Variants in TENM2 observed in about 807,000 individuals in gnomAD.
TENM2 encodes teneurin transmembrane protein 2.
Under a neutral mutation model 245.2 loss-of-function variants are expected in TENM2, and 52 were observed. The ratio of observed to expected loss-of-function variants is 0.21; its 90% CI spans 0.17 to 0.27. The LOEUF (loss-of-function observed/expected upper bound fraction) is 0.27, where lower values mean the gene tolerates loss of function less well. TENM2 is among the 10% of genes least tolerant of loss of function. The pLI, the probability that TENM2 is intolerant of heterozygous loss-of-function variation, is 1.00. For synonymous variants in TENM2, 1,363 were observed against 1,438.9 expected, an observed-to-expected ratio of 0.95 and a Z score of 1.19; for missense variants, 3,046 against 3,666.8, an observed-to-expected ratio of 0.83 and a Z score of 4.37.
chr5:168,006,939 G>A (rs1448930003), intron 5 of TENM2, among the ~76,000 whole-genome samples: 4 of 152,166 alleles, frequency 2.6e-5, no homozygotes, highest in Admixed American at 2.6e-4. Context: ...GAAGAAATCA[G>A]GATGGTTTGG....
intron 23 of TENM2, among the ~76,000 whole-genome samples, chr5:168,222,691 T>A (rs1184086524): frequency 1.3e-5 from 2 of 152,210 alleles, no homozygotes; most frequent in Admixed American, 1.3e-4. Context: ...AGAACAGTAC[T>A]GTCCTTAAAA....
intron 12 of TENM2, among the ~76,000 whole-genome samples, chr5:168,154,444 C>G (rs1041226966): frequency 1.3e-5 from 2 of 152,104 alleles, no homozygotes; most frequent in African/African-American, 4.8e-5. Context: ...AGGTTGGTCT[C>G]GAACTCCTGA....
chr5:168,052,496 TAAAAC>T (rs1288697395), intron 6 of TENM2, among the ~76,000 whole-genome samples: 1 of 151,792 alleles, frequency 6.6e-6, no homozygotes, highest in African/African-American at 2.4e-5. Context: ...ATATATAAAA[TAAAAC>T]AAAGGTGAAG....
At chr5:167,058,923 A>T in the TENM2 span, among the ~76,000 whole-genome samples, 1 of 152,196 alleles carries the variant, frequency 6.6e-6, no homozygotes, top group Non-Finnish European at 1.5e-5. Flanking sequence ...GATCTACAAG[A>T]TATTTCAAAT....
At chr5:168,043,297 C>A (rs1314638389) in intron 5 of TENM2, among the ~76,000 whole-genome samples, 1 of 151,826 alleles carries the variant, frequency 6.6e-6, no homozygotes, top group Non-Finnish European at 1.5e-5. Context: ...CTATGTTACA[C>A]AGGCTGGTCT....
At chr5:167,076,134 A>C in the TENM2 span, among the ~76,000 whole-genome samples, 1 of 152,188 alleles carries the variant, frequency 6.6e-6, no homozygotes, top group Non-Finnish European at 1.5e-5. Context: ...ATACAAAAAA[A>C]TCAACCTTTT....
intron 2 of TENM2, among the ~76,000 whole-genome samples, chr5:167,447,080 A>T (rs1765270649): frequency 6.6e-6 from 1 of 152,128 alleles, no homozygotes; most frequent in African/African-American, 2.4e-5. Flanking sequence ...TCAGATTTGG[A>T]ATGTTCCAAA....
chr5:167,657,299 G>A (rs1226652247), intron 2 of TENM2, among the ~76,000 whole-genome samples: 2 of 152,150 alleles, frequency 1.3e-5, no homozygotes, highest in African/African-American at 4.8e-5. Context: ...ATGTTGCCAT[G>A]AATGGCAGGA....
chr5:167,649,249 G>A (rs926918077), intron 2 of TENM2, among the ~76,000 whole-genome samples: 4 of 152,112 alleles, frequency 2.6e-5, no homozygotes, highest in African/African-American at 9.7e-5. Context: ...AAATTAGTGG[G>A]CTAGAAGTCA....
chr5:167,444,178 A>G (rs1355481744), intron 2 of TENM2, among the ~76,000 whole-genome samples: 1 of 152,152 alleles, frequency 6.6e-6, no homozygotes, highest in African/African-American at 2.4e-5. Flanking sequence ...AAGAAGAACC[A>G]CCATCAAAGT....
intron 2 of TENM2, among the ~76,000 whole-genome samples, chr5:167,545,186 C>A (rs144966295): frequency 1.3e-5 from 2 of 152,202 alleles, no homozygotes; most frequent in East Asian, 3.9e-4. Context: ...TGGCAAATGT[C>A]CCTACTAAAT....
the TENM2 span, among the ~76,000 whole-genome samples, chr5:167,089,677 T>C: frequency 6.6e-6 from 1 of 152,108 alleles, no homozygotes; most frequent in South Asian, 2.1e-4. Flanking sequence ...GCCAAAGATA[T>C]ACCAAAACAC....
At chr5:168,133,165 T>C (rs1042673023) in intron 12 of TENM2, among the ~76,000 whole-genome samples, 1 of 152,202 alleles carries the variant, frequency 6.6e-6, no homozygotes, top group Non-Finnish European at 1.5e-5. Context: ...TTCATTGGTG[T>C]ACAAATATAC....
chr5:167,833,922 C>G (rs969042448), intron 2 of TENM2, among the ~76,000 whole-genome samples: 13 of 152,152 alleles, frequency 8.5e-5, no homozygotes, highest in African/African-American at 2.9e-4. Flanking sequence ...GACTAGAAGC[C>G]CATACCTGAA....
the TENM2 span, among the ~76,000 whole-genome samples, chr5:167,157,552 A>T: frequency 1.3e-5 from 2 of 152,224 alleles, no homozygotes; most frequent in Admixed American, 6.5e-5. Context: ...GGACTTTTAG[A>T]CGTGTAAGTT....
chr5:168,200,033 A>G, exon 17 of TENM2: 2 of 1,614,008 alleles, frequency 1.2e-6, no homozygotes, highest in Non-Finnish European at 1.7e-6. Flanking sequence ...CATCTCTTCC[A>G]GAAGTCATTC....
chr5:168,188,962 T>C (rs1013610494), intron 13 of TENM2, among the ~76,000 whole-genome samples: 2 of 152,158 alleles, frequency 1.3e-5, no homozygotes, highest in African/African-American at 4.8e-5. Context: ...ACAACAAACA[T>C]TTATTTCTCG....
At chr5:167,187,378 T>C in the TENM2 span, among the ~76,000 whole-genome samples, 1 of 152,198 alleles carries the variant, frequency 6.6e-6, no homozygotes, top group Non-Finnish European at 1.5e-5. Flanking sequence ...CAAAGAGCAA[T>C]CCCTCATGTT....
chr5:167,603,735 T>C (rs2127733987), intron 2 of TENM2, among the ~76,000 whole-genome samples: 1 of 152,272 alleles, frequency 6.6e-6, no homozygotes, highest in South Asian at 2.1e-4. Flanking sequence ...GTTTGAGGAA[T>C]AGCAGTAGAG....
Sources: allele counts gnomAD v4.1 joint callset (sites outside exome capture counted in the v4.1 genomes callset), GRCh38; gene constraint gnomAD v4.1.1; transcripts MANE v1.5; gene names NCBI Gene and HGNC (gene_info 2026-07-23, HGNC 2026-07-21).